OSBPL8: variants seen among roughly 807,000 people sequenced by gnomAD.
OSBPL8 encodes oxysterol binding protein like 8.
In OSBPL8, 59 loss-of-function variants were observed where a neutral mutation model predicts 125.5. That is an observed-to-expected ratio of 0.47 (90% CI 0.38 to 0.58). The LOEUF (loss-of-function observed/expected upper bound fraction) is 0.58. Ranked by LOEUF, OSBPL8 falls within the 20% of genes least tolerant of loss-of-function variation. The probability of loss-of-function intolerance (pLI) is 0.00; values close to 1 mark genes in which losing one functional copy is unlikely to be tolerated. For synonymous variants in OSBPL8, 330 were observed against 338.9 expected (o/e 0.97, Z 0.29); for missense variants, 758 against 1,047.8 (o/e 0.72, Z 3.82).
At chr12:76,536,377 AT>A (rs1453651957) in intron 1 of OSBPL8, among the ~76,000 whole-genome samples, 2 of 152,102 alleles carry the variant, frequency 1.3e-5, no homozygotes, top group Non-Finnish European at 2.9e-5. Flanking sequence ...CAAAAAAAAA[AT>A]CAAGCCCAAC....
intron 1 of OSBPL8, among the ~76,000 whole-genome samples, chr12:76,526,127 T>A (rs1950163078): frequency 1.3e-5 from 2 of 152,232 alleles, no homozygotes; most frequent in South Asian, 4.1e-4. Context: ...TTATACACAC[T>A]ATTTCAATTT....
rs908189712 is a variant in OSBPL8 at position 76,507,823 on chromosome 12, CA to C, written c.-67-20206del. ...TGGGCAACAGAGCAAGACTCAATCT[CA>C]AAAAAGGCAAAAATGCTGAGCCATG... On this transcript the variant is annotated intron_variant, in intron 1 of 23. Coordinates refer to ENST00000261183, the MANE Select transcript of OSBPL8 (RefSeq NM_020841.5). 3.7e-4 allele frequency among the ~76,000 whole-genome samples: 55 copies of C among 150,482 alleles called. 2 individuals carry two copies. The highest frequency in any genetic ancestry group is 3.4e-3 in the Middle Eastern group (1 of 294).
At chr12:76,558,723 C>T (rs189224122) in intron 1 of OSBPL8, among the ~76,000 whole-genome samples, 37 of 152,318 alleles carry the variant, frequency 2.4e-4, no homozygotes, top group African/African-American at 8.7e-4. Flanking sequence ...GGAAAATCTG[C>T]ATATACTGTT....
intron 3 of OSBPL8, among the ~76,000 whole-genome samples, chr12:76,454,004 C>T (rs923616711): frequency 6.6e-6 from 1 of 152,080 alleles, no homozygotes; most frequent in African/African-American, 2.4e-5. Flanking sequence ...ATATTTTATA[C>T]TCAGTAAAAT....
Position 76,355,851 on chromosome 12 carries a change from A to G in OSBPL8, c.*38T>C. The stretch of plus-strand genomic sequence containing the variant: ...TTGAACACTGGTCCCAGGCCAAATC[A>G]GATCTTTCTAGTTCACTGATTCAAT... On this transcript the variant is annotated 3_prime_UTR_variant, in exon 24 of 24. Coordinates refer to ENST00000261183, the MANE Select transcript of OSBPL8 (RefSeq NM_020841.5). 1.3e-6 allele frequency: 2 copies of G among 1,598,528 alleles called. No homozygotes were observed. The highest frequency in any genetic ancestry group is 1.7e-6 in the Non-Finnish European group (2 of 1,173,022).
intron 2 of OSBPL8, among the ~76,000 whole-genome samples, chr12:76,461,623 G>C (rs1350916164): frequency 1.3e-5 from 2 of 152,066 alleles, no homozygotes; most frequent in African/African-American, 4.8e-5. Context: ...ATTTTTAGTA[G>C]AGACGGGGTT....
At chr12:76,386,732 T>C in intron 12 of OSBPL8, 72 bp from the exon 13 acceptor site, 1 of 1,010,716 alleles carries the variant, frequency 9.9e-7, no homozygotes. Flanking sequence ...TATTAACCAA[T>C]AACCGAGTAT....
intron 2 of OSBPL8, among the ~76,000 whole-genome samples, chr12:76,486,560 T>A (rs1019372640): frequency 6.6e-6 from 1 of 152,172 alleles, no homozygotes; most frequent in African/African-American, 2.4e-5. Context: ...TATTCTGGAG[T>A]AAAATCTTTT....
chr12:76,532,036 CAAAA>C (rs56122052), intron 1 of OSBPL8, among the ~76,000 whole-genome samples: 1 of 90,024 alleles, frequency 1.1e-5, no homozygotes, highest in Non-Finnish European at 2.2e-5. Context: ...GACTCCTTCT[CAAAA>C]AAAAAAAAAA....
At chr12:76,403,851 C>T (rs568436154) in intron 5 of OSBPL8, among the ~76,000 whole-genome samples, 6 of 152,078 alleles carry the variant, frequency 3.9e-5, no homozygotes, top group Non-Finnish European at 8.8e-5. Flanking sequence ...ACAGATAACA[C>T]ATTTATTTGT....
At chr12:76,391,706 T>C (rs1030955808) in intron 10 of OSBPL8, among the ~76,000 whole-genome samples, 3 of 152,092 alleles carry the variant, frequency 2.0e-5, no homozygotes, top group African/African-American at 7.2e-5. Context: ...CAGGTTACAG[T>C]GAGCTATGAT....
chr12:76,390,326 T>A (rs776697331), intron 11 of OSBPL8, 94 bp downstream of exon 11: 3 of 900,598 alleles, frequency 3.3e-6, no homozygotes, highest in Non-Finnish European at 5.2e-6. Context: ...CACAGAAAAA[T>A]AGGCAATAGA....
chr12:76,495,396 G>A (rs1000616223), intron 1 of OSBPL8, among the ~76,000 whole-genome samples: 3 of 152,134 alleles, frequency 2.0e-5, no homozygotes, highest in Non-Finnish European at 2.9e-5. Context: ...CAATAAAAGA[G>A]GTCTAGCAAA....
intron 4 of OSBPL8, among the ~76,000 whole-genome samples, chr12:76,438,177 G>A (rs1336902843): frequency 1.3e-5 from 2 of 151,848 alleles, no homozygotes; most frequent in Non-Finnish European, 1.5e-5. Context: ...TAGTAGAGAC[G>A]GGGTTTCACC....
intron 4 of OSBPL8, among the ~76,000 whole-genome samples, chr12:76,441,871 G>C (rs1872225348): frequency 6.6e-6 from 1 of 151,978 alleles, no homozygotes; most frequent in Non-Finnish European, 1.5e-5. Flanking sequence ...CCTAGTATTT[G>C]ATAGCATAAC....
At chr12:76,435,720 T>C (rs958857876) in intron 4 of OSBPL8, among the ~76,000 whole-genome samples, 1 of 152,016 alleles carries the variant, frequency 6.6e-6, no homozygotes, top group Admixed American at 6.5e-5. Flanking sequence ...ATACGATTTG[T>C]GGTGGGAAGG....
At chr12:76,370,684 T>G (rs1334637192) in intron 19 of OSBPL8, among the ~76,000 whole-genome samples, 1 of 152,164 alleles carries the variant, frequency 6.6e-6, no homozygotes, top group African/African-American at 2.4e-5. Context: ...GAGACAGAAT[T>G]TTTAGAACTG....
intron 1 of OSBPL8, among the ~76,000 whole-genome samples, chr12:76,488,059 A>G (rs1370552646): frequency 1.3e-5 from 2 of 152,228 alleles, no homozygotes; most frequent in Non-Finnish European, 1.5e-5. Flanking sequence ...TGTATGTTTT[A>G]ATCCAGCAAT....
At chr12:76,460,775 C>T (rs1370905657) in intron 2 of OSBPL8, among the ~76,000 whole-genome samples, 2 of 152,170 alleles carry the variant, frequency 1.3e-5, no homozygotes, top group African/African-American at 4.8e-5. Context: ...TCTCAGCTCT[C>T]CTTCATTTTA....
Sources: allele counts gnomAD v4.1 joint callset (sites outside exome capture counted in the v4.1 genomes callset), GRCh38; gene constraint gnomAD v4.1.1; transcripts MANE v1.5; gene names NCBI Gene and HGNC (gene_info 2026-07-23, HGNC 2026-07-21).